Variants in GMDS observed in about 807,000 individuals in gnomAD.
GMDS encodes GDP-mannose 4,6 dehydratase.
Under a neutral mutation model 49.9 loss-of-function variants are expected in GMDS, and 20 were observed. That is an observed-to-expected ratio of 0.40 (90% CI 0.28 to 0.58). GMDS has a LOEUF of 0.58. Ranked by LOEUF, GMDS falls within the 20% of genes least tolerant of loss-of-function variation. The pLI, the probability that GMDS is intolerant of heterozygous loss-of-function variation, is 0.42. For synonymous variants in GMDS, 177 were observed against 178.6 expected, an observed-to-expected ratio of 0.99 and a Z score of 0.07; for missense variants, 362 against 481.4, an observed-to-expected ratio of 0.75 and a Z score of 2.32.
rs372052065 is a variant in GMDS, at chr6:2,065,701, C to T, written c.345+50070G>A. Among the ~76,000 whole-genome samples the T allele has an allele frequency of 4.2e-4, 64 of 151,812 alleles. 2 individuals carry two copies. In the South Asian group the frequency reaches 5.8e-3, roughly 14 times the overall value. ...GGAAGATGAAATGAATGAAATGAAG[C>T]GAGAAGGGAAGTTTAGAGAAAAAAG... On this transcript the variant is annotated intron_variant, in intron 4 of 10. Transcript: ENST00000380815.
chr6:1,888,137 T>TTTA (rs1554130176), intron 7 of GMDS, among the ~76,000 whole-genome samples: 2 of 118,022 alleles, frequency 1.7e-5, no homozygotes, highest in African/African-American at 5.7e-5. Context: ...TATTATTATT[T>TTTA]TTTTTTTTTT....
At chr6:1,993,927 G>T (rs774859579) in intron 4 of GMDS, among the ~76,000 whole-genome samples, 1 of 152,132 alleles carries the variant, frequency 6.6e-6, no homozygotes, top group Admixed American at 6.5e-5. Context: ...CCCACTCCAT[G>T]GGGCTCTGCC....
chr6:2,087,161 T>C (rs1278092932), intron 4 of GMDS, among the ~76,000 whole-genome samples: 3 of 152,190 alleles, frequency 2.0e-5, no homozygotes, highest in Non-Finnish European at 4.4e-5. Flanking sequence ...AACGAATTGC[T>C]TTGGGGATCC....
intron 2 of GMDS, 54 bp from the exon 3 acceptor site, chr6:2,117,610 T>C: frequency 1.2e-6 from 1 of 869,024 alleles, no homozygotes; most frequent in Non-Finnish European, 2.0e-6. Flanking sequence ...AATAAACAAC[T>C]TCTTTAGCTA....
At chr6:1,883,319 A>T (rs1006937486) in intron 7 of GMDS, among the ~76,000 whole-genome samples, 51 of 152,122 alleles carry the variant, frequency 3.4e-4, no homozygotes, top group African/African-American at 1.2e-3. Context: ...TAACCCTAGG[A>T]GGCGGAGGCT....
intron 9 of GMDS, among the ~76,000 whole-genome samples, chr6:1,674,902 G>T (rs1764565321): frequency 6.6e-6 from 1 of 151,206 alleles, no homozygotes; most frequent in Non-Finnish European, 1.5e-5. Flanking sequence ...TTCTTTTTTG[G>T]GGGTGTTAAT....
At chr6:2,101,212 T>C (rs1014850711) in intron 4 of GMDS, among the ~76,000 whole-genome samples, 20 of 151,732 alleles carry the variant, frequency 1.3e-4, no homozygotes, top group African/African-American at 4.8e-4. Flanking sequence ...AACCGGGATG[T>C]TTCTGTTGTA....
intron 9 of GMDS, among the ~76,000 whole-genome samples, chr6:1,684,601 T>C (rs754412331): frequency 4.6e-5 from 7 of 152,102 alleles, no homozygotes; most frequent in Non-Finnish European, 1.0e-4. Context: ...AGACACATAC[T>C]GAAGGATTCC....
intron 7 of GMDS, among the ~76,000 whole-genome samples, chr6:1,918,267 TAG>T (rs138493840): frequency 0.016 from 2,414 of 152,128 alleles, 26 homozygotes; most frequent in Middle Eastern, 0.058. Context: ...TGAGAGGAAA[TAG>T]AGTGATGATC....
At chr6:1,960,731 G>T in intron 5 of GMDS, 43 bp downstream of exon 5, 2 of 1,328,432 alleles carry the variant, frequency 1.5e-6, no homozygotes, top group Non-Finnish European at 2.1e-6. Flanking sequence ...CACACCCACA[G>T]ATAACGCCAC....
intron 7 of GMDS, among the ~76,000 whole-genome samples, chr6:1,858,133 C>G (rs1384288885): frequency 1.3e-5 from 2 of 152,112 alleles, no homozygotes; most frequent in Non-Finnish European, 2.9e-5. Context: ...TAGCCTACAA[C>G]TCCAAGTATC....
At chr6:1,745,537 C>G (rs930488211) in intron 7 of GMDS, among the ~76,000 whole-genome samples, 1 of 152,176 alleles carries the variant, frequency 6.6e-6, no homozygotes, top group African/African-American at 2.4e-5. Context: ...CCCGGGTCCC[C>G]TGGTGCTTGT....
At chr6:1,895,647 C>A (rs929000065) in intron 7 of GMDS, among the ~76,000 whole-genome samples, 2 of 152,160 alleles carry the variant, frequency 1.3e-5, no homozygotes, top group Non-Finnish European at 2.9e-5. Flanking sequence ...TTATTCTTCC[C>A]ACCTTCTATG....
At chr6:2,075,819 G>C (rs1225523406) in intron 4 of GMDS, among the ~76,000 whole-genome samples, 3 of 152,202 alleles carry the variant, frequency 2.0e-5, no homozygotes, top group Non-Finnish European at 4.4e-5. Context: ...CTAGATCCCT[G>C]AGGGATCGCC....
intron 7 of GMDS, among the ~76,000 whole-genome samples, chr6:1,845,783 T>C (rs1055494547): frequency 6.6e-6 from 1 of 152,134 alleles, no homozygotes; most frequent in Admixed American, 6.5e-5. Flanking sequence ...GCTATGAGAA[T>C]CTAATGCTAC....
At chr6:2,011,568 T>C (rs141101238) in intron 4 of GMDS, among the ~76,000 whole-genome samples, 1 of 152,234 alleles carries the variant, frequency 6.6e-6, no homozygotes, top group African/African-American at 2.4e-5. Context: ...ATTGGAAGAC[T>C]GGATTAAAAA....
intron 1 of GMDS, among the ~76,000 whole-genome samples, chr6:2,226,492 T>A (rs967917790): frequency 2.0e-5 from 3 of 152,176 alleles, no homozygotes; most frequent in Non-Finnish European, 4.4e-5. Context: ...ACAGAGTATA[T>A]CATTAACAAA....
chr6:1,659,696 C>T (rs1025083648), intron 9 of GMDS, among the ~76,000 whole-genome samples: 3 of 152,050 alleles, frequency 2.0e-5, no homozygotes, highest in South Asian at 2.1e-4. Flanking sequence ...GAATCTGTTT[C>T]GGGCAGAGGA....
At chr6:2,073,161 A>C (rs1416428777) in intron 4 of GMDS, among the ~76,000 whole-genome samples, 1 of 152,212 alleles carries the variant, frequency 6.6e-6, no homozygotes, top group Admixed American at 6.5e-5. Flanking sequence ...CGAATGCACC[A>C]GTGCGCCTTG....
Sources: allele counts gnomAD v4.1 joint callset (sites outside exome capture counted in the v4.1 genomes callset), GRCh38; gene constraint gnomAD v4.1.1; transcripts MANE v1.5; gene names NCBI Gene and HGNC (gene_info 2026-07-23, HGNC 2026-07-21).